The following HDAC9 variants were observed in gnomAD, a reference collection of about 807,000 sequenced individuals.
HDAC9 encodes the protein histone deacetylase 9, also known as MEF-2 interacting transcription repressor (MITR) protein.
HDAC9 carries 41 observed loss-of-function variants against 139.4 expected under a neutral mutation model. The ratio of observed to expected loss-of-function variants is 0.29; its 90% CI spans 0.23 to 0.38. HDAC9 has a LOEUF of 0.38. Among genes scored for constraint, HDAC9 ranks in the 10% least tolerant of loss-of-function variants. HDAC9 has a pLI of 1.00. For missense variants in HDAC9, 1,147 were observed against 1,297.0 expected (o/e 0.88, Z 1.78); for synonymous variants, 517 against 476.2 (o/e 1.09, Z -1.12).
At chr7:18,203,099 C>G (rs186998377) in intron 2 of HDAC9, among the ~76,000 whole-genome samples, 3 of 152,240 alleles carry the variant, frequency 2.0e-5, no homozygotes, top group Admixed American at 2.0e-4. Flanking sequence ...TCTGTGTTTT[C>G]AAGTGTTTCT....
chr7:18,162,474 T>C, intron 2 of HDAC9: 1 of 865,420 alleles, frequency 1.2e-6, no homozygotes, highest in Non-Finnish European at 1.8e-6. Context: ...GATTGCTTAA[T>C]GTAACAAATT....
rs762346237 is a variant in HDAC9 at position 18,707,252 on chromosome 7, G to A, written c.1732-20328G>A. On this transcript the variant is annotated intron_variant, in intron 12 of 25. Coordinates refer to ENST00000686413, the MANE Select transcript of HDAC9 (RefSeq NM_178425.4). ...AGAGAAGCTGAGTGAGATAAACACA[G>A]AAAAGTATCTTTAACATAGGTAAAG... Among the ~76,000 whole-genome samples, 91 of 152,308 alleles carry A rather than the reference G, an allele frequency of 6.0e-4. 1 individual carries two copies. The highest frequency in any genetic ancestry group is 4.6e-4 in the Admixed American group (7 of 15,300).
chr7:18,630,311 A>G (rs1396881183), intron 7 of HDAC9, among the ~76,000 whole-genome samples: 3 of 152,182 alleles, frequency 2.0e-5, no homozygotes, highest in East Asian at 3.9e-4. Flanking sequence ...CCCATTCTCA[A>G]GGAAAACTGT....
chr7:18,963,273 C>T (rs117039365), intron 24 of HDAC9, among the ~76,000 whole-genome samples: 2,332 of 152,174 alleles, frequency 0.015, 22 homozygotes, highest in Non-Finnish European at 0.023. Flanking sequence ...TCTTAAGATC[C>T]GCATCAAAGG....
chr7:18,676,852 T>A (rs1404113747), intron 12 of HDAC9, among the ~76,000 whole-genome samples: 1 of 151,926 alleles, frequency 6.6e-6, no homozygotes, highest in African/African-American at 2.4e-5. Flanking sequence ...AGGGACTCTC[T>A]TAGGGATTAA....
At chr7:18,724,091 C>T (rs1462948368) in intron 12 of HDAC9, among the ~76,000 whole-genome samples, 2 of 152,188 alleles carry the variant, frequency 1.3e-5, no homozygotes, top group African/African-American at 4.8e-5. Flanking sequence ...CATTTGTCAC[C>T]TGGTTAATTC....
Position 18,591,654 on chromosome 7 carries a change from G to A in HDAC9, c.542+12G>A. On this transcript the variant is annotated intron_variant, in intron 5 of 25. Coordinates refer to ENST00000686413, the MANE Select transcript of HDAC9 (RefSeq NM_178425.4). ...AAGCTCTGGTACACGTATGTTCAGT[G>A]TTTGGCTGTTTTCATTCCTGGGGTA... The A allele has an allele frequency of 1.9e-6, 3 of 1,611,996 alleles. No homozygotes were observed. In the South Asian group the frequency reaches 3.3e-5, roughly 18 times the overall value.
chr7:18,303,388 TG>T (rs1798687953), intron 1 of HDAC9, among the ~76,000 whole-genome samples: 3 of 90,048 alleles, frequency 3.3e-5, no homozygotes, highest in African/African-American at 1.5e-4. Flanking sequence ...TGTGTGTGTG[TG>T]TGTGTGTGTG....
intron 1 of HDAC9, among the ~76,000 whole-genome samples, chr7:18,295,598 A>T (rs1248824811): frequency 6.6e-6 from 1 of 152,166 alleles, no homozygotes; most frequent in Non-Finnish European, 1.5e-5. Context: ...GGAAGCAGTA[A>T]TAAACTATGC....
intron 2 of HDAC9, among the ~76,000 whole-genome samples, chr7:18,185,103 G>T (rs1789799315): frequency 6.6e-6 from 1 of 152,200 alleles, no homozygotes; most frequent in Admixed American, 6.5e-5. Context: ...TAAAGCCCAA[G>T]ACTGGCTTTC....
chr7:18,115,082 G>A (rs574642931), intron 1 of HDAC9, among the ~76,000 whole-genome samples: 1 of 152,288 alleles, frequency 6.6e-6, no homozygotes, highest in South Asian at 2.1e-4. Context: ...ACAAGGTCAG[G>A]AGATCGAGAC....
chr7:18,604,282 G>A (rs1225935233), intron 6 of HDAC9, among the ~76,000 whole-genome samples: 1 of 151,884 alleles, frequency 6.6e-6, no homozygotes, highest in Non-Finnish European at 1.5e-5. Context: ...TAGAGTATTG[G>A]GGAATTCTGT....
intron 1 of HDAC9, among the ~76,000 whole-genome samples, chr7:18,392,054 T>A (rs1175920863): frequency 6.6e-6 from 1 of 152,172 alleles, no homozygotes; most frequent in Non-Finnish European, 1.5e-5. Flanking sequence ...TTTAATGAGG[T>A]GAGCAAGACA....
At chr7:18,976,916 A>G (rs919120143) in intron 25 of HDAC9, among the ~76,000 whole-genome samples, 9 of 152,202 alleles carry the variant, frequency 5.9e-5, no homozygotes, top group Non-Finnish European at 1.2e-4. Context: ...TCCTGCTACT[A>G]GTGCACAGGT....
rs144701130 is a variant in HDAC9, at chr7:18,635,497, A to C, written c.912+755A>C. ...TGATACAAGACTAAGAGGAAAGTTAATGTAAAAGTCAGCAAGAATTTGTCT... is the reference window on the plus strand; with the variant it reads ...TGATACAAGACTAAGAGGAAAGTTACTGTAAAAGTCAGCAAGAATTTGTCT... On this transcript the variant is annotated intron_variant, in intron 8 of 25. Coordinates refer to ENST00000686413, the MANE Select transcript of HDAC9 (RefSeq NM_178425.4). 6.0e-3 allele frequency among the ~76,000 whole-genome samples: 913 copies of C among 152,202 alleles called. 12 individuals carry two copies. Among genetic ancestry groups the C allele is most frequent in the African/African-American group, 0.021 (888 of 41,544 alleles).
At chr7:18,374,547 T>G (rs1409277297) in intron 1 of HDAC9, among the ~76,000 whole-genome samples, 1 of 152,042 alleles carries the variant, frequency 6.6e-6, no homozygotes, top group Non-Finnish European at 1.5e-5. Context: ...TTTCTGTATC[T>G]AGGCATAGAA....
chr7:18,256,965 T>C (rs1448309349), intron 2 of HDAC9, among the ~76,000 whole-genome samples: 1 of 151,890 alleles, frequency 6.6e-6, no homozygotes, highest in African/African-American at 2.4e-5. Context: ...GGTGCATATC[T>C]GAGGTCCCAG....
chr7:18,250,099 A>C (rs993148496), intron 2 of HDAC9, among the ~76,000 whole-genome samples: 1 of 152,222 alleles, frequency 6.6e-6, no homozygotes, highest in Non-Finnish European at 1.5e-5. Flanking sequence ...AATAGGAAGG[A>C]AAACCATACC....
intron 1 of HDAC9, among the ~76,000 whole-genome samples, chr7:18,104,973 T>C (rs1473568070): frequency 7.9e-5 from 12 of 152,002 alleles, no homozygotes; most frequent in Non-Finnish European, 1.2e-4. Flanking sequence ...CATGTTGTCT[T>C]ACCTGGCTTC....
Sources: gnomAD v4.1 joint callset for allele counts (sites outside exome capture counted in the v4.1 genomes callset) on GRCh38, gnomAD v4.1.1 for gene constraint, MANE v1.5 for transcripts, NCBI Gene and HGNC (gene_info 2026-07-23, HGNC 2026-07-21) for gene names.